The following SH3KBP1 variants were observed in gnomAD, a reference collection of about 807,000 sequenced individuals.
The protein encoded by SH3KBP1 is SH3 domain-containing kinase-binding protein 1.
In SH3KBP1, 8 loss-of-function variants were observed where a neutral mutation model predicts 50.1. The ratio of observed to expected loss-of-function variants is 0.16; its 90% CI spans 0.09 to 0.29. The LOEUF (loss-of-function observed/expected upper bound fraction) is 0.29, where lower values mean the gene tolerates loss of function less well. Among genes scored for constraint, SH3KBP1 ranks in the 10% least tolerant of loss-of-function variants. The probability of loss-of-function intolerance (pLI) is 1.00; values close to 1 mark genes in which losing one functional copy is unlikely to be tolerated. For synonymous variants in SH3KBP1, 227 were observed against 218.6 expected (o/e 1.04, Z -0.34); for missense variants, 377 against 535.2 (o/e 0.70, Z 2.92).
chrX:19,827,484 G>A (rs2067719114), intron 2 of SH3KBP1, among the ~76,000 whole-genome samples: 1 of 111,980 alleles, frequency 8.9e-6, no homozygotes, highest in Non-Finnish European at 1.9e-5. Context: ...AGAGCAGGCA[G>A]ACACATGCAC....
intron 12 of SH3KBP1, chrX:19,588,407 G>A: frequency 8.9e-7 from 1 of 1,125,308 alleles, no homozygotes; most frequent in Non-Finnish European, 1.2e-6. Flanking sequence ...TGGGTACCCA[G>A]TCCTCATGAA....
chrX:19,647,929 G>C (rs1401304718), intron 6 of SH3KBP1: 5 of 333,089 alleles, frequency 1.5e-5, no homozygotes, highest in Non-Finnish European at 2.3e-5. Context: ...GCTCACATTT[G>C]AGAACCACTG....
At chrX:19,546,556 G>A (rs2147605405) in intron 14 of SH3KBP1, among the ~76,000 whole-genome samples, 1 of 111,974 alleles carries the variant, frequency 8.9e-6, no homozygotes, top group South Asian at 3.7e-4. Flanking sequence ...GCTGCATACG[G>A]AAGTGCCCTA....
At chrX:19,643,080 T>C (rs1253194352) in intron 7 of SH3KBP1, among the ~76,000 whole-genome samples, 2 of 109,791 alleles carry the variant, frequency 1.8e-5, no homozygotes. Context: ...AAGCTCAGGG[T>C]CATTTCTAAT....
At chrX:19,786,475 G>C (rs2066351672) in intron 2 of SH3KBP1, among the ~76,000 whole-genome samples, 1 of 112,039 alleles carries the variant, frequency 8.9e-6, no homozygotes, top group African/African-American at 3.3e-5. Context: ...TTCATTCTCT[G>C]GGCAAATGCA....
chrX:19,576,463 A>T (rs1160002147), intron 12 of SH3KBP1, among the ~76,000 whole-genome samples: 3 of 111,831 alleles, frequency 2.7e-5, no homozygotes, highest in Non-Finnish European at 5.6e-5. Context: ...GAAAAGAAAG[A>T]AAGTCTCACT....
intron 5 of SH3KBP1, among the ~76,000 whole-genome samples, chrX:19,689,097 T>C (rs2063229215): frequency 8.9e-6 from 1 of 112,450 alleles, no homozygotes; most frequent in Non-Finnish European, 1.9e-5. Context: ...GTGCCCTTTT[T>C]GACCGATGCA....
chrX:19,676,702 G>T (rs962306662), intron 6 of SH3KBP1, among the ~76,000 whole-genome samples: 1 of 111,929 alleles, frequency 8.9e-6, no homozygotes, highest in Non-Finnish European at 1.9e-5. Flanking sequence ...CTGTAATTTG[G>T]CTAATTAAAA....
chrX:19,567,075 A>G (rs968351580), intron 13 of SH3KBP1, among the ~76,000 whole-genome samples: 3 of 110,104 alleles, frequency 2.7e-5, no homozygotes, highest in Middle Eastern at 4.6e-3. Context: ...TCCATGTCAA[A>G]TCAATCCCTG....
At chrX:19,559,450 C>T (rs1244482478) in intron 13 of SH3KBP1, among the ~76,000 whole-genome samples, 1 of 103,850 alleles carries the variant, frequency 9.6e-6, no homozygotes, top group Non-Finnish European at 2.0e-5. Context: ...TCTCAGCCTC[C>T]AGAGTAGCTG....
rs139640087 is a variant in SH3KBP1 at position 19,875,078 on chromosome X, G to A, written c.4+12229C>T. Among the ~76,000 whole-genome samples, 3 of 111,072 alleles carry A rather than the reference G, an allele frequency of 2.7e-5. No homozygotes were observed. The East Asian group carries it at 8.6e-4, about 32-fold the overall frequency. ...ACCTCAGGGGTTAACTCGTCAGGCG[G>A]TGGCTGTTTTTTACAATGTCTACAT... On this transcript the variant is annotated intron_variant, in intron 1 of 17. Coordinates refer to ENST00000397821, the MANE Select transcript of SH3KBP1 (RefSeq NM_031892.3).
intron 6 of SH3KBP1, among the ~76,000 whole-genome samples, chrX:19,661,215 T>C (rs773827193): frequency 1.8e-5 from 2 of 112,717 alleles, no homozygotes; most frequent in South Asian, 7.3e-4. Flanking sequence ...TTCTCAGCTA[T>C]AACATGGTAG....
intron 3 of SH3KBP1, chrX:19,740,916 G>A (rs1454512354): frequency 4.9e-6 from 1 of 204,834 alleles, no homozygotes; most frequent in Non-Finnish European, 1.0e-5. Flanking sequence ...GAAAGGACGG[G>A]CAGTCACTTA....
intron 6 of SH3KBP1, among the ~76,000 whole-genome samples, chrX:19,669,879 T>C (rs959899465): frequency 1.9e-5 from 2 of 104,055 alleles, no homozygotes; most frequent in Non-Finnish European, 3.9e-5. Context: ...GTGTTTCCTT[T>C]TGGCCACGCT....
At chrX:19,785,451 C>T (rs1023609596) in intron 2 of SH3KBP1, among the ~76,000 whole-genome samples, 3 of 110,557 alleles carry the variant, frequency 2.7e-5, no homozygotes, top group African/African-American at 9.9e-5. Flanking sequence ...TCACTTGAGC[C>T]AGAGAGGCGG....
At position 19,866,254 on chromosome X, in the gene SH3KBP1, AAGG is replaced by A. The variant is rs747193635; in HGVS notation, c.4+21050_4+21052del. Among the ~76,000 whole-genome samples, 412 of 111,789 alleles carry A rather than the reference AAGG, an allele frequency of 3.7e-3. 1 individual carries two copies. Among genetic ancestry groups the A allele is most frequent in the African/African-American group, 0.013 (391 of 30,736 alleles). The stretch of plus-strand genomic sequence containing the variant: ...AAGCTGACCACAACTAAGGAAGATA[AAGG>A]AGAAGATTTCTTCTATGGTAGAACC... On this transcript the variant is annotated intron_variant, in intron 1 of 17. Coordinates refer to ENST00000397821, the MANE Select transcript of SH3KBP1 (RefSeq NM_031892.3).
At position 19,723,507 on chromosome X, in the gene SH3KBP1, C is replaced by T. The variant is rs2064133676; in HGVS notation, c.287-16523G>A. 4.5e-5 allele frequency among the ~76,000 whole-genome samples: 5 copies of T among 112,074 alleles called. No homozygotes were observed. In the South Asian group the frequency reaches 1.8e-3, roughly 41 times the overall value. On this transcript the variant is annotated intron_variant, in intron 3 of 17. Coordinates refer to ENST00000397821, the MANE Select transcript of SH3KBP1 (RefSeq NM_031892.3). ...AAAAAATGCCAAGATGTATGTACCA[C>T]TATGTGTTTGAAATTGACATCTTTA...
At chrX:19,767,421 T>C (rs1410768923) in intron 2 of SH3KBP1, among the ~76,000 whole-genome samples, 4 of 112,750 alleles carry the variant, frequency 3.5e-5, no homozygotes, top group Non-Finnish European at 7.5e-5. Flanking sequence ...ATTTTCTTTA[T>C]TTATAAGGAA....
At chrX:19,841,011 G>T (rs1169934203) in intron 1 of SH3KBP1, among the ~76,000 whole-genome samples, 1 of 111,922 alleles carries the variant, frequency 8.9e-6, no homozygotes, top group East Asian at 2.8e-4. Flanking sequence ...GCTTAGAAAT[G>T]CAAAACACTT....
Sources: gnomAD v4.1 joint callset for allele counts (sites outside exome capture counted in the v4.1 genomes callset) on GRCh38, gnomAD v4.1.1 for gene constraint, MANE v1.5 for transcripts, NCBI Gene and HGNC (gene_info 2026-07-23, HGNC 2026-07-21) for gene names.